SLCO3A1: variants seen among roughly 807,000 people sequenced by gnomAD.
The protein encoded by SLCO3A1 is PGE1 transporter.
Under a neutral mutation model 63.1 loss-of-function variants are expected in SLCO3A1, and 27 were observed. The observed-to-expected ratio is 0.43, with a 90% CI of 0.32 to 0.59. SLCO3A1 has a LOEUF of 0.59. Ranked by LOEUF, SLCO3A1 falls within the 20% of genes least tolerant of loss-of-function variation. The pLI is 0.09. For missense variants in SLCO3A1, 773 were observed against 945.8 expected (o/e 0.82, Z 2.40); for synonymous variants, 473 against 409.9 (o/e 1.15, Z -1.86).
intron 1 of SLCO3A1, among the ~76,000 whole-genome samples, chr15:91,907,760 A>AGG (rs1898356221): frequency 6.6e-6 from 1 of 151,844 alleles, no homozygotes; most frequent in South Asian, 2.1e-4. Context: ...TCCTGACCTC[A>AGG]GGTGATCCAC....
chr15:92,094,111 G>T (rs1285466784), intron 2 of SLCO3A1, among the ~76,000 whole-genome samples: 1 of 152,120 alleles, frequency 6.6e-6, no homozygotes, highest in Non-Finnish European at 1.5e-5. Context: ...TTGAATTTGG[G>T]ATCAGTACTT....
chr15:92,110,133 G>C (rs760941659), intron 4 of SLCO3A1, among the ~76,000 whole-genome samples: 24 of 152,156 alleles, frequency 1.6e-4, no homozygotes, highest in Admixed American at 3.3e-4. Flanking sequence ...CCAAGCTCTA[G>C]AGAAGGTTCA....
intron 2 of SLCO3A1, among the ~76,000 whole-genome samples, chr15:91,981,376 C>T (rs919640916): frequency 2.0e-5 from 3 of 152,120 alleles, no homozygotes; most frequent in Non-Finnish European, 2.9e-5. Flanking sequence ...CCTCGGAATC[C>T]GCGCGTATCT....
intron 9 of SLCO3A1, among the ~76,000 whole-genome samples, chr15:92,155,682 C>G (rs183603603): frequency 1.9e-4 from 27 of 140,398 alleles, no homozygotes; most frequent in African/African-American, 6.7e-4. Flanking sequence ...TGGGTTTGAA[C>G]GGTAAAGACA....
intron 2 of SLCO3A1, among the ~76,000 whole-genome samples, chr15:92,044,043 G>C (rs908966647): frequency 6.6e-6 from 1 of 152,110 alleles, no homozygotes; most frequent in African/African-American, 2.4e-5. Flanking sequence ...CTTCAGCCTG[G>C]TTCTCTCCTA....
intron 1 of SLCO3A1, among the ~76,000 whole-genome samples, chr15:91,901,679 A>G (rs1055980024): frequency 6.6e-6 from 1 of 152,188 alleles, no homozygotes; most frequent in African/African-American, 2.4e-5. Flanking sequence ...GTTTCTAATG[A>G]AAAGTCAGCT....
intron 1 of SLCO3A1, among the ~76,000 whole-genome samples, chr15:91,877,290 A>G (rs889695780): frequency 5.9e-5 from 9 of 152,140 alleles, no homozygotes; most frequent in Non-Finnish European, 1.0e-4. Context: ...TAAAATTTTG[A>G]TATCAGACCT....
intron 2 of SLCO3A1, among the ~76,000 whole-genome samples, chr15:92,068,171 G>A (rs776834805): frequency 6.6e-6 from 1 of 152,318 alleles, no homozygotes; most frequent in Admixed American, 6.5e-5. Context: ...AAATCAGATG[G>A]TGCAGGCGTG....
intron 2 of SLCO3A1, among the ~76,000 whole-genome samples, chr15:91,986,167 A>T (rs2046049806): frequency 6.6e-6 from 1 of 152,160 alleles, no homozygotes; most frequent in Non-Finnish European, 1.5e-5. Context: ...CCTGCTAGCC[A>T]CCATGCTCGG....
intron 2 of SLCO3A1, among the ~76,000 whole-genome samples, chr15:92,090,873 A>C (rs768011501): frequency 2.0e-5 from 3 of 152,144 alleles, no homozygotes; most frequent in Non-Finnish European, 4.4e-5. Context: ...AGGTCATTCA[A>C]TCCTCACCAC....
At chr15:92,069,387 T>C (rs1339075988) in intron 2 of SLCO3A1, among the ~76,000 whole-genome samples, 1 of 152,146 alleles carries the variant, frequency 6.6e-6, no homozygotes, top group Non-Finnish European at 1.5e-5. Context: ...AATAAAATAT[T>C]TTATGTACAG....
chr15:91,963,869 G>A (rs1900555887), intron 2 of SLCO3A1, among the ~76,000 whole-genome samples: 1 of 152,082 alleles, frequency 6.6e-6, no homozygotes, highest in East Asian at 1.9e-4. Flanking sequence ...CGTGGAAGGG[G>A]ACCCAAGCAG....
At chr15:91,898,905 A>G (rs947126842) in intron 1 of SLCO3A1, among the ~76,000 whole-genome samples, 1 of 152,138 alleles carries the variant, frequency 6.6e-6, no homozygotes, top group Non-Finnish European at 1.5e-5. Flanking sequence ...TGCGAATTTT[A>G]TTCTTCGTGG....
At chr15:92,026,018 C>T (rs2046569560) in intron 2 of SLCO3A1, among the ~76,000 whole-genome samples, 1 of 152,156 alleles carries the variant, frequency 6.6e-6, no homozygotes, top group African/African-American at 2.4e-5. Flanking sequence ...GTTTCTTTTG[C>T]CCCAGGTCAG....
At chr15:91,980,754 A>G (rs1205522731) in intron 2 of SLCO3A1, among the ~76,000 whole-genome samples, 1 of 152,184 alleles carries the variant, frequency 6.6e-6, no homozygotes. Context: ...ACACAGTCCC[A>G]GGAACAACTG....
chr15:92,150,061 C>T (rs771362577), intron 8 of SLCO3A1, among the ~76,000 whole-genome samples: 3 of 152,116 alleles, frequency 2.0e-5, no homozygotes, highest in Non-Finnish European at 2.9e-5. Flanking sequence ...GCCAGAGTCA[C>T]GTCCCCATCG....
Position 92,094,864 on chromosome 15 carries a change from T to A in SLCO3A1, c.647-17T>A. On this transcript the variant is annotated splice_polypyrimidine_tract_variant and intron_variant, in intron 2 of 9. Coordinates refer to ENST00000318445, the MANE Select transcript of SLCO3A1 (RefSeq NM_013272.4). ...GCTTCTGTTTTGTAATCTATTTTTT[T>A]CTTCATCTTCCTTCAGGAATCCTGT... 6.4e-7 allele frequency: 1 copy of A among 1,568,022 alleles called. No homozygotes were observed. Among genetic ancestry groups the A allele is most frequent in the South Asian group, 1.1e-5 (1 of 90,010 alleles).
chr15:92,016,200 TTTATATAGATAGATAGATAG>T, intron 2 of SLCO3A1, among the ~76,000 whole-genome samples: 1 of 74,106 alleles, frequency 1.3e-5, no homozygotes, highest in Admixed American at 1.5e-4. Context: ...TGTATATATA[TTTATATAGATAGATAGATAG>T]ATAGATAGAT....
At chr15:91,880,358 C>T (rs1262250732) in intron 1 of SLCO3A1, among the ~76,000 whole-genome samples, 2 of 147,042 alleles carry the variant, frequency 1.4e-5, no homozygotes, top group African/African-American at 5.2e-5. Flanking sequence ...AACAGATTTC[C>T]TCAGTTTTAC....
Sources: allele counts gnomAD v4.1 joint callset (sites outside exome capture counted in the v4.1 genomes callset), GRCh38; gene constraint gnomAD v4.1.1; transcripts MANE v1.5; gene names NCBI Gene and HGNC (gene_info 2026-07-23, HGNC 2026-07-21).